The following GUCY1A2 variants were observed in gnomAD, a reference collection of about 807,000 sequenced individuals.
GUCY1A2 encodes the protein guanylate cyclase soluble subunit alpha-2.
A neutral mutation model predicts 63.5 loss-of-function variants in GUCY1A2; 27 were observed. The observed-to-expected ratio is 0.43, with a 90% CI of 0.31 to 0.59. The LOEUF is 0.59. GUCY1A2 is among the 20% of genes least tolerant of loss of function. The pLI, the probability that GUCY1A2 is intolerant of heterozygous loss-of-function variation, is 0.11. For missense variants in GUCY1A2, 768 were observed against 913.3 expected (o/e 0.84, Z 2.05); for synonymous variants, 364 against 343.5 (o/e 1.06, Z -0.66).
intron 6 of GUCY1A2, among the ~76,000 whole-genome samples, chr11:106,764,608 G>A (rs1467569327): frequency 6.6e-6 from 1 of 152,016 alleles, no homozygotes; most frequent in Non-Finnish European, 1.5e-5. Flanking sequence ...ACACATACAT[G>A]TAAATAATTA....
intron 4 of GUCY1A2, among the ~76,000 whole-genome samples, chr11:106,854,868 A>G (rs541691463): frequency 4.4e-4 from 67 of 152,228 alleles, no homozygotes; most frequent in African/African-American, 1.3e-3. Context: ...GGGGAGTATC[A>G]GTACTGGGGG....
At chr11:106,866,637 TCTCCCTTAGTTTGCTAAAGC>T (rs1859598415) in intron 4 of GUCY1A2, among the ~76,000 whole-genome samples, 1 of 152,016 alleles carries the variant, frequency 6.6e-6, no homozygotes, top group Admixed American at 6.6e-5. Flanking sequence ...TAATGACATT[TCTCCCTTAGTTTGCTAAAGC>T]CTGAGCATTC....
At chr11:106,918,031 C>A (rs1207323266) in intron 4 of GUCY1A2, among the ~76,000 whole-genome samples, 1 of 143,414 alleles carries the variant, frequency 7.0e-6, no homozygotes, top group Admixed American at 7.0e-5. Context: ...AATTTAAATT[C>A]TCATAAAATA....
chr11:106,984,594 G>T (rs558458916), intron 2 of GUCY1A2, among the ~76,000 whole-genome samples: 2 of 152,162 alleles, frequency 1.3e-5, no homozygotes, highest in Admixed American at 1.3e-4. Flanking sequence ...TTTCGAAAGC[G>T]AAAGAGCATT....
intron 6 of GUCY1A2, among the ~76,000 whole-genome samples, chr11:106,766,963 A>C (rs1324516498): frequency 6.6e-6 from 1 of 152,060 alleles, no homozygotes; most frequent in Non-Finnish European, 1.5e-5. Context: ...TATTCTTTAC[A>C]TAAACGTCAG....
At chr11:106,888,627 C>T (rs1047525720) in intron 4 of GUCY1A2, among the ~76,000 whole-genome samples, 2 of 152,098 alleles carry the variant, frequency 1.3e-5, no homozygotes, top group Non-Finnish European at 2.9e-5. Flanking sequence ...AGCCAACAGG[C>T]GTTTGTACCA....
chr11:106,962,854 C>A (rs193150877), intron 3 of GUCY1A2, among the ~76,000 whole-genome samples: 11 of 151,020 alleles, frequency 7.3e-5, no homozygotes, highest in Admixed American at 1.3e-4. Flanking sequence ...GATCTTTTGT[C>A]TATTCCAACA....
At chr11:106,864,740 C>A (rs962337858) in intron 4 of GUCY1A2, among the ~76,000 whole-genome samples, 3 of 152,016 alleles carry the variant, frequency 2.0e-5, no homozygotes, top group Admixed American at 1.3e-4. Flanking sequence ...TATGTTGAAC[C>A]AGCCTTGCAT....
intron 4 of GUCY1A2, among the ~76,000 whole-genome samples, chr11:106,821,353 G>A (rs1169883596): frequency 6.6e-6 from 1 of 151,960 alleles, no homozygotes; most frequent in Non-Finnish European, 1.5e-5. Context: ...TTTCCCACAG[G>A]GTGAAAATGA....
In GUCY1A2 at chr11:106,991,889, C is replaced by T. The variant is rs183355516; in HGVS notation, c.304-5758G>A. On this transcript the variant is annotated intron_variant, in intron 1 of 7. Transcript: ENST00000526355. ...CAGCTAGAATGACTACCGTGTTTTA[C>T]GCCAGGCACTGCTTTAAGCCCTCTA... Among the ~76,000 whole-genome samples the T allele has an allele frequency of 1.7e-3, 261 of 152,302 alleles. 1 individual carries two copies. The highest frequency in any genetic ancestry group is 2.5e-3 in the Non-Finnish European group (173 of 68,030).
At chr11:106,789,200 T>C (rs1864616896) in intron 5 of GUCY1A2, among the ~76,000 whole-genome samples, 1 of 152,224 alleles carries the variant, frequency 6.6e-6, no homozygotes. Flanking sequence ...TTCCTCTGAC[T>C]GTGTATTTTC....
At chr11:106,994,733 T>A (rs2120163753) in intron 1 of GUCY1A2, among the ~76,000 whole-genome samples, 1 of 152,330 alleles carries the variant, frequency 6.6e-6, no homozygotes, top group East Asian at 1.9e-4. Flanking sequence ...GTGCTCTTTC[T>A]GTCACAAGCT....
rs1452390188 is a variant in GUCY1A2, at chr11:107,013,547, TTTTG to T, written c.303+4202_303+4205del. On this transcript the variant is annotated intron_variant, in intron 1 of 7. Coordinates refer to ENST00000526355, the MANE Select transcript of GUCY1A2 (RefSeq NM_000855.3). ...AATCAGGTCTTAAGGTCTTGAGGGT[TTTTG>T]TTTGTTTTGTTTTGGAGACAGAGTC... Among the ~76,000 whole-genome samples the T allele has an allele frequency of 7.9e-5, 12 of 152,278 alleles. No homozygotes were observed. In the South Asian group the frequency reaches 1.5e-3, roughly 18 times the overall value.
chr11:106,822,138 G>C (rs1377308595), intron 4 of GUCY1A2, among the ~76,000 whole-genome samples: 1 of 152,128 alleles, frequency 6.6e-6, no homozygotes, highest in East Asian at 1.9e-4. Context: ...AGGAATAATA[G>C]AACAGTTGCT....
chr11:106,833,659 C>A (rs147848945), intron 4 of GUCY1A2, among the ~76,000 whole-genome samples: 1 of 152,022 alleles, frequency 6.6e-6, no homozygotes, highest in East Asian at 1.9e-4. Context: ...GAACAGTACA[C>A]GCCATGTAGG....
chr11:106,781,820 AG>A (rs1440731659), intron 5 of GUCY1A2, among the ~76,000 whole-genome samples: 22 of 151,842 alleles, frequency 1.4e-4, no homozygotes, highest in African/African-American at 3.9e-4. Context: ...TGTGCACCTC[AG>A]CCTCCCAAAG....
chr11:106,730,325 T>C (rs1015075776), intron 6 of GUCY1A2, among the ~76,000 whole-genome samples: 1 of 151,596 alleles, frequency 6.6e-6, no homozygotes, highest in Non-Finnish European at 1.5e-5. Flanking sequence ...TGTATGTACA[T>C]GATGTTTAGC....
chr11:106,771,163 A>G (rs1294556418), intron 6 of GUCY1A2, among the ~76,000 whole-genome samples: 2 of 152,130 alleles, frequency 1.3e-5, no homozygotes, highest in African/African-American at 2.4e-5. Flanking sequence ...CCCTAGGTAC[A>G]TTCTCTAGTT....
intron 6 of GUCY1A2, among the ~76,000 whole-genome samples, chr11:106,719,987 A>G (rs576754242): frequency 2.0e-5 from 3 of 152,362 alleles, no homozygotes; most frequent in East Asian, 1.9e-4. Flanking sequence ...TACTTCTTCA[A>G]TTAGGAAACA....
Sources: allele counts gnomAD v4.1 joint callset (sites outside exome capture counted in the v4.1 genomes callset), GRCh38; gene constraint gnomAD v4.1.1; transcripts MANE v1.5; gene names NCBI Gene and HGNC (gene_info 2026-07-23, HGNC 2026-07-21).